Variants in RAD54B observed in about 807,000 individuals in gnomAD.
The protein encoded by RAD54B is RAD54 homolog B, also known as DNA repair and recombination protein RAD54B.
In RAD54B, 78 loss-of-function variants were observed where a neutral mutation model predicts 95.8. The ratio of observed to expected loss-of-function variants is 0.81; its 90% CI spans 0.68 to 0.98. The LOEUF is 0.98. Ranked by LOEUF, RAD54B falls within the 50% of genes least tolerant of loss-of-function variation. The pLI, the probability that RAD54B is intolerant of heterozygous loss-of-function variation, is 0.00. For synonymous variants in RAD54B, 328 were observed against 354.9 expected (o/e 0.92, Z 0.85); for missense variants, 957 against 1,056.6 (o/e 0.91, Z 1.31).
At chr8:94,465,837 A>G (rs967927959) in intron 2 of RAD54B, among the ~76,000 whole-genome samples, 1 of 152,250 alleles carries the variant, frequency 6.6e-6, no homozygotes, top group Non-Finnish European at 1.5e-5. Flanking sequence ...ATACAAAAAA[A>G]TTAAGTTCTG....
At chr8:94,422,605 AAAAAAAAAAAAAATATATATATATAT>A (rs1811835754) in intron 3 of RAD54B, among the ~76,000 whole-genome samples, 1 of 98,204 alleles carries the variant, frequency 1.0e-5, no homozygotes, top group African/African-American at 5.2e-5. Flanking sequence ...AAAAAAAAAA[AAAAAAAAAAAAAATATATATATATAT>A]ATATATATAT....
rs757037716 is a variant in RAD54B at position 94,400,449 on chromosome 8, C to T, written c.959G>A (p.Cys320Tyr). The T allele has an allele frequency of 1.1e-5, 17 of 1,607,750 alleles. 1 individual carries two copies. In the Admixed American group the frequency reaches 2.5e-4, roughly 24 times the overall value. ...CVMGMRMNGR[C>Y]GAILADEMGL... ...CATTTCATCAGCAAGAATAGCTCCA[C>T]ATCTGCCATTCATTCTGTTAGAAAT... Residue 320 changes from cysteine (C) to tyrosine (Y), a missense_variant, in exon 7 of 15, where the codon TGT becomes TAT. Transcript: ENST00000336148.
intron 3 of RAD54B, among the ~76,000 whole-genome samples, chr8:94,424,579 T>C (rs1811898358): frequency 6.6e-6 from 1 of 152,184 alleles, no homozygotes. Flanking sequence ...ATATCTAGAC[T>C]ACTTGTATTA....
intron 3 of RAD54B, chr8:94,427,931 TAA>T (rs80311026): frequency 1.6e-4 from 131 of 800,426 alleles, no homozygotes; most frequent in Middle Eastern, 6.3e-4. Flanking sequence ...AATGACTCCT[TAA>T]AAAAAAAAAT....
At chr8:94,430,291 A>T in intron 3 of RAD54B, 1 of 937,452 alleles carries the variant, frequency 1.1e-6, no homozygotes, top group Non-Finnish European at 1.3e-6. Context: ...AACCTAGGTG[A>T]CAAAGCAAGA....
intron 3 of RAD54B, among the ~76,000 whole-genome samples, chr8:94,434,526 T>C (rs1812204702): frequency 6.6e-6 from 1 of 151,844 alleles, no homozygotes; most frequent in Non-Finnish European, 1.5e-5. Context: ...GGTATATATT[T>C]TTAAGTATGT....
At chr8:94,463,865 T>G (rs1404085786) in intron 2 of RAD54B, among the ~76,000 whole-genome samples, 5 of 132,966 alleles carry the variant, frequency 3.8e-5, no homozygotes, top group Non-Finnish European at 6.1e-5. Flanking sequence ...CAGTGAGCCA[T>G]GATGGTGCCA....
chr8:94,371,965 T>C lies in RAD54B; in HGVS notation c.*205A>G, dbSNP rs747538992. ...CAAGGAATTATTAACAATTATACAA[T>C]GATATAAGCACATCTTTATTTTTCA... On this transcript the variant is annotated 3_prime_UTR_variant, in exon 15 of 15. Transcript: ENST00000336148. 8.2e-4 allele frequency: 659 copies of C among 805,994 alleles called. 2 individuals carry two copies. The highest frequency in any genetic ancestry group is 9.3e-4 in the Non-Finnish European group (549 of 588,334). The allele number at this position is 805,994 out of a possible 1,614,324, so 49.9% of individuals were successfully genotyped here. A position where few individuals can be genotyped will look rare whatever the true frequency, so the allele number is the denominator to read the frequency against.
At chr8:94,433,331 T>C (rs1189985707) in intron 3 of RAD54B, among the ~76,000 whole-genome samples, 5 of 152,074 alleles carry the variant, frequency 3.3e-5, no homozygotes, top group African/African-American at 4.8e-5. Context: ...TTTCAATCAC[T>C]GGTCAGGTAA....
At chr8:94,415,666 T>G (rs1372621474) in intron 3 of RAD54B, among the ~76,000 whole-genome samples, 4 of 143,426 alleles carry the variant, frequency 2.8e-5, no homozygotes, top group East Asian at 2.1e-4. Flanking sequence ...CAAACAAATT[T>G]ACAAGAAAAA....
At chr8:94,452,158 T>C (rs1056301776) in intron 3 of RAD54B, among the ~76,000 whole-genome samples, 36 of 152,376 alleles carry the variant, frequency 2.4e-4, no homozygotes, top group Non-Finnish European at 2.1e-4. Context: ...ATCTCATTCA[T>C]GAGGGCTTCA....
intron 14 of RAD54B, among the ~76,000 whole-genome samples, chr8:94,377,733 T>C (rs907538901): frequency 6.6e-6 from 1 of 151,150 alleles, no homozygotes; most frequent in Non-Finnish European, 1.5e-5. Context: ...TCCCAGCACT[T>C]TGGGAGGCCG....
At chr8:94,417,707 GA>G (rs1322108825) in intron 3 of RAD54B, among the ~76,000 whole-genome samples, 3 of 145,584 alleles carry the variant, frequency 2.1e-5, no homozygotes, top group Middle Eastern at 3.6e-3. Context: ...CATATGTCTG[GA>G]AAAAAAAAAA....
chr8:94,444,345 G>T (rs1047377278), intron 3 of RAD54B, among the ~76,000 whole-genome samples: 8 of 147,994 alleles, frequency 5.4e-5, no homozygotes, highest in African/African-American at 2.0e-4. Context: ...CAACTCCTGA[G>T]AAATACATGC....
At position 94,407,767 on chromosome 8, in the gene RAD54B, C is replaced by T. The variant is rs368009445; in HGVS notation, c.500-47G>A. 352 of 1,514,192 alleles carry T rather than the reference C, an allele frequency of 2.3e-4. 2 individuals are homozygous for T. Among genetic ancestry groups the T allele is most frequent in the Middle Eastern group, 6.9e-4 (4 of 5,770 alleles). The allele number at this position is 1,514,192 out of a possible 1,614,324, so 93.8% of individuals were successfully genotyped here. A position where few individuals can be genotyped will look rare whatever the true frequency, so the allele number is the denominator to read the frequency against. Reference sequence around the variant, plus strand: ...AATTAATTGACACTCTATGATACCACGGTCACCTTCCCGTAACTGTACAAA... The same window carrying T: ...AATTAATTGACACTCTATGATACCATGGTCACCTTCCCGTAACTGTACAAA... On this transcript the variant is annotated intron_variant, in intron 4 of 14. Coordinates refer to ENST00000336148, the MANE Select transcript of RAD54B (RefSeq NM_012415.3).
At chr8:94,467,209 T>C (rs1349803350) in intron 2 of RAD54B, among the ~76,000 whole-genome samples, 196 bp downstream of exon 2, 8 of 152,226 alleles carry the variant, frequency 5.3e-5, no homozygotes, top group Non-Finnish European at 1.2e-4. Context: ...ATTATAGGCA[T>C]GAGCCACTGT....
At chr8:94,428,328 T>C (rs1586161896) in intron 3 of RAD54B, 2 of 983,040 alleles carry the variant, frequency 2.0e-6, no homozygotes, top group Non-Finnish European at 2.4e-6. Context: ...GTCTATGATA[T>C]GCAAGATGTC....
intron 14 of RAD54B, among the ~76,000 whole-genome samples, chr8:94,376,506 GAGAAA>G (rs141371393): frequency 2.7e-3 from 411 of 151,530 alleles, no homozygotes; most frequent in African/African-American, 9.5e-3. Context: ...AAGGAAAAAG[GAGAAA>G]AGAAGAGAAA....
At chr8:94,468,375 G>A (rs934130962) in intron 1 of RAD54B, among the ~76,000 whole-genome samples, 5 of 152,186 alleles carry the variant, frequency 3.3e-5, no homozygotes, top group Middle Eastern at 3.4e-3. Context: ...CAGGCAGGCC[G>A]TCTCAAGTTT....
Sources: allele counts gnomAD v4.1 joint callset (sites outside exome capture counted in the v4.1 genomes callset), GRCh38; gene constraint gnomAD v4.1.1; transcripts MANE v1.5; gene names NCBI Gene and HGNC (gene_info 2026-07-23, HGNC 2026-07-21).